SEC14L5: variants seen among roughly 807,000 people sequenced by gnomAD.
SEC14L5 encodes SEC14 like lipid binding 5.
In SEC14L5, 96 loss-of-function variants were observed where a neutral mutation model predicts 84.6. That is an observed-to-expected ratio of 1.13 (90% confidence interval 0.96 to 1.34). The LOEUF (loss-of-function observed/expected upper bound fraction) is 1.34, where lower values mean the gene tolerates loss of function less well. SEC14L5 is among the 40% of genes most tolerant of loss of function. The pLI, the probability that SEC14L5 is intolerant of heterozygous loss-of-function variation, is 0.00. For missense variants in SEC14L5, 1,224 were observed against 942.5 expected (o/e 1.30, Z -3.91); for synonymous variants, 546 against 383.4 (o/e 1.42, Z -4.95).
At chr16:4,983,388 T>C (rs561320602) in intron 2 of SEC14L5, among the ~76,000 whole-genome samples, 3 of 150,568 alleles carry the variant, frequency 2.0e-5, no homozygotes, top group Non-Finnish European at 4.4e-5. Flanking sequence ...TACATTTATA[T>C]ATACATTATA....
At chr16:4,959,448 G>A (rs2142464562) in intron 2 of SEC14L5, 62 bp downstream of exon 2, 2 of 1,402,770 alleles carry the variant, frequency 1.4e-6, no homozygotes, top group Non-Finnish European at 1.0e-6. Flanking sequence ...GATCAGCTAT[G>A]GCGGTAGGAA....
chr16:4,964,590 A>G (rs1322923651), intron 2 of SEC14L5, among the ~76,000 whole-genome samples: 2 of 152,076 alleles, frequency 1.3e-5, no homozygotes, highest in East Asian at 3.9e-4. Flanking sequence ...TCTCAAAAAA[A>G]AAAGAACCAG....
At chr16:4,982,623 C>G (rs1216709321) in intron 2 of SEC14L5, among the ~76,000 whole-genome samples, 2 of 152,176 alleles carry the variant, frequency 1.3e-5, no homozygotes, top group Non-Finnish European at 2.9e-5. Flanking sequence ...GTGAAGGGCA[C>G]AGTGGCATGG....
chr16:4,977,473 A>AAAAAAG (rs1555528768), intron 2 of SEC14L5, among the ~76,000 whole-genome samples: 1 of 128,648 alleles, frequency 7.8e-6, no homozygotes, highest in African/African-American at 2.9e-5. Context: ...AAAAAAAGGA[A>AAAAAAG]AAAAAAAGAA....
rs369437630 is a variant in SEC14L5, at chr16:5,008,630, G to T, written c.1782G>T (p.Arg594=). 7.0e-5 allele frequency: 113 copies of T among 1,606,680 alleles called. 2 individuals are homozygous for T. The East Asian group carries it at 8.5e-4, about 12-fold the overall frequency. ...YSRVEAPLVC[R]EGESIQGSHV... ...GTGTGGAGGCTCCCCTTGTCTGCCG[G>T]GAGGGGGAGAGCATCCAGGTTTGCA... The change falls in exon 14 of 16, where the codon CGG becomes CGT. Residue 594 remains arginine, a synonymous_variant. Transcript: ENST00000251170.
rs773917262 is a variant in SEC14L5 at position 4,988,211 on chromosome 16, G to A, written c.276G>A (p.Thr92=). 16 of 1,613,348 alleles carry A rather than the reference G, an allele frequency of 9.9e-6. No individual in the cohort carries two copies. In the Middle Eastern group the frequency reaches 4.9e-4, roughly 50 times the overall value. ...ACATCTTGAACTGGAAGGAGAGGACGCTCCTCATCGAAGCGCACAATGAGA... is the reference window on the plus strand; with the variant it reads ...ACATCTTGAACTGGAAGGAGAGGACACTCCTCATCGAAGCGCACAATGAGA... ...QTNILNWKER[T]LLIEAHNETF... Residue 92 remains threonine, a synonymous_variant, in exon 4 of 16, where the codon ACG becomes ACA. Coordinates refer to ENST00000251170, the MANE Select transcript of SEC14L5 (RefSeq NM_014692.2).
chr16:4,986,300 C>G (rs1056266556), intron 2 of SEC14L5, among the ~76,000 whole-genome samples: 1 of 152,056 alleles, frequency 6.6e-6, no homozygotes, highest in African/African-American at 2.4e-5. Context: ...CCACCACGCC[C>G]GGCTGCTTTT....
At position 5,007,897 on chromosome 16, in the gene SEC14L5, C is replaced by G. The variant is rs1009784511; in HGVS notation, c.1572+411C>G. Reference sequence around the variant, plus strand: ...CTGGGATTATAGGCGGGAGCCACGGCGCCTGGCCTCTTTTTTTTTTTTTTT... The same window carrying G: ...CTGGGATTATAGGCGGGAGCCACGGGGCCTGGCCTCTTTTTTTTTTTTTTT... On this transcript the variant is annotated intron_variant, in intron 13 of 15. Transcript: ENST00000251170. 1.3e-3 allele frequency among the ~76,000 whole-genome samples: 180 copies of G among 143,048 alleles called. 1 individual carries two copies. Among genetic ancestry groups the G allele is most frequent in the African/African-American group, 4.4e-3 (171 of 39,008 alleles). The allele number at this position is 143,048 out of a possible 152,430, so 93.8% of individuals were successfully genotyped here.
At position 5,003,465 on chromosome 16, in the gene SEC14L5, G is replaced by T. The variant is rs749433977; in HGVS notation, c.1194G>T (p.Val398=). 1.2e-6 allele frequency: 2 copies of T among 1,613,156 alleles called. No individual in the cohort carries two copies. The highest frequency in any genetic ancestry group is 2.7e-5 in the African/African-American group (2 of 74,914). ...TGCGGCACCTGTGGCGGCCGGGGGT[G>T]AAGGCCCTGCTGCGGATGATTGAGG... ...LNMRHLWRPG[V]KALLRMIEVV... Residue 398 remains valine (V), a synonymous_variant, in exon 11 of 16, where the codon GTG becomes GTT. Coordinates refer to ENST00000251170, the MANE Select transcript of SEC14L5 (RefSeq NM_014692.2).
intron 14 of SEC14L5, 121 bp downstream of exon 14, chr16:5,008,769 C>T (rs1955765791): frequency 1.2e-6 from 1 of 848,494 alleles, no homozygotes. Context: ...CTCAGGGACC[C>T]TGCAGGACAG....
At chr16:4,993,934 G>A (rs1041410365) in intron 6 of SEC14L5, among the ~76,000 whole-genome samples, 2 of 149,898 alleles carry the variant, frequency 1.3e-5, no homozygotes, top group Non-Finnish European at 1.5e-5. Context: ...AGCAAGATCA[G>A]GCATGATTTT....
chr16:4,973,507 T>C (rs1025866887), intron 2 of SEC14L5, among the ~76,000 whole-genome samples: 1 of 152,228 alleles, frequency 6.6e-6, no homozygotes, highest in Non-Finnish European at 1.5e-5. Flanking sequence ...CAAGCTCTAG[T>C]TGAGCACCCC....
chr16:4,985,287 A>ATCT (rs1331534798), intron 2 of SEC14L5, among the ~76,000 whole-genome samples: 1 of 152,046 alleles, frequency 6.6e-6, no homozygotes, highest in African/African-American at 2.4e-5. Flanking sequence ...GTGCAATGGC[A>ATCT]CAATGTCGCC....
At chr16:4,985,840 A>G (rs900192773) in intron 2 of SEC14L5, among the ~76,000 whole-genome samples, 7 of 151,266 alleles carry the variant, frequency 4.6e-5, no homozygotes, top group African/African-American at 1.2e-4. Flanking sequence ...CATTGTGAGT[A>G]GATAGATATG....
At chr16:5,009,751 G>A (rs1955778294) in intron 14 of SEC14L5, among the ~76,000 whole-genome samples, 1 of 152,136 alleles carries the variant, frequency 6.6e-6, no homozygotes, top group African/African-American at 2.4e-5. Context: ...GGGGAAGGAT[G>A]AGCATATTGG....
intron 2 of SEC14L5, among the ~76,000 whole-genome samples, chr16:4,962,676 A>G (rs1689357095): frequency 1.5e-5 from 2 of 135,508 alleles, no homozygotes; most frequent in Non-Finnish European, 1.6e-5. Context: ...GGAAGAGTGA[A>G]ACTCTGTCTC....
chr16:4,991,922 C>T lies in SEC14L5; in HGVS notation c.559C>T (p.Arg187Cys), dbSNP rs751387283. Residue 187 changes from arginine (R) to cysteine (C), a missense_variant, in exon 6 of 16, where the codon CGT (arginine) becomes TGT (cysteine). Arg to Cys is a radical substitution (Grantham distance 180). Transcript: ENST00000251170. Reference sequence around the variant, plus strand: ...TCCGCGCTGGACGCCTGCCCCAGTCCGTGAGGAGGATGCCCGCAACCAGGC... The same window carrying T: ...TCCGCGCTGGACGCCTGCCCCAGTCTGTGAGGAGGATGCCCGCAACCAGGC... Reference protein sequence around the residue: ...HIPRWTPAPVREEDARNQAGP... With the variant: ...HIPRWTPAPVCEEDARNQAGP... The T allele has an allele frequency of 3.7e-6, 6 of 1,606,420 alleles. No individual in the cohort carries two copies. The highest frequency in any genetic ancestry group is 3.4e-5 in the Admixed American group (2 of 59,620).
chr16:4,959,407 G>C (rs766676815), intron 2 of SEC14L5, 21 bp downstream of exon 2: 1 of 1,610,600 alleles, frequency 6.2e-7, no homozygotes, highest in East Asian at 2.2e-5. Flanking sequence ...CCTGATTCTT[G>C]GGCCCCCATG....
At chr16:4,987,500 G>GGT in intron 2 of SEC14L5, 57 bp from the exon 3 acceptor site, 1 of 1,258,038 alleles carries the variant, frequency 7.9e-7, no homozygotes, top group East Asian at 2.8e-5. Flanking sequence ...GTCGCGCTGG[G>GGT]GGGGGGGGTC....
Sources: allele counts gnomAD v4.1 joint callset (sites outside exome capture counted in the v4.1 genomes callset), GRCh38; gene constraint gnomAD v4.1.1; transcripts MANE v1.5; gene names NCBI Gene and HGNC (gene_info 2026-07-23, HGNC 2026-07-21).